Variants in ARHGAP20 observed in about 807,000 individuals in gnomAD.
The protein encoded by ARHGAP20 is Rho GTPase activating protein 20.
Under a neutral mutation model 73.7 loss-of-function variants are expected in ARHGAP20, and 34 were observed. The observed-to-expected ratio is 0.46, with a 90% CI of 0.35 to 0.61. The LOEUF is 0.61. Ranked by LOEUF, ARHGAP20 falls within the 20% of genes least tolerant of loss-of-function variation. The probability of loss-of-function intolerance (pLI) is 0.00; values close to 1 mark genes in which losing one functional copy is unlikely to be tolerated. For synonymous variants in ARHGAP20, 523 were observed against 518.2 expected (o/e 1.01, Z -0.13); for missense variants, 1,314 against 1,420.9 (o/e 0.92, Z 1.21).
intron 2 of ARHGAP20, among the ~76,000 whole-genome samples, chr11:110,689,875 C>T (rs1212604726): frequency 6.6e-6 from 1 of 151,980 alleles, no homozygotes. Flanking sequence ...CTTCTCAAGT[C>T]GCCTGCTTGG....
chr11:110,660,696 A>C (rs1339230885), intron 2 of ARHGAP20, among the ~76,000 whole-genome samples: 3 of 152,192 alleles, frequency 2.0e-5, no homozygotes, highest in Non-Finnish European at 4.4e-5. Flanking sequence ...GAGGTTACTC[A>C]CATTCTCAGG....
At chr11:110,607,924 TTTC>T (rs1948271302) in intron 8 of ARHGAP20, among the ~76,000 whole-genome samples, 1 of 152,196 alleles carries the variant, frequency 6.6e-6, no homozygotes, top group Non-Finnish European at 1.5e-5. Context: ...AAAACAATTA[TTTC>T]AAGTGTTTGA....
At chr11:110,680,827 T>G (rs1367155847) in intron 2 of ARHGAP20, among the ~76,000 whole-genome samples, 1 of 152,160 alleles carries the variant, frequency 6.6e-6, no homozygotes, top group Non-Finnish European at 1.5e-5. Flanking sequence ...GAAAAGTAGT[T>G]TGAAAAGAAT....
At chr11:110,585,028 AATATATGTGAATAT>A (rs2134798134) in intron 12 of ARHGAP20, among the ~76,000 whole-genome samples, 1 of 136,214 alleles carries the variant, frequency 7.3e-6, no homozygotes, top group South Asian at 2.4e-4. Context: ...CATATATGTG[AATATATGTGAATAT>A]ATATGAATAT....
chr11:110,602,168 C>A (rs945055170), intron 9 of ARHGAP20, among the ~76,000 whole-genome samples: 2 of 152,072 alleles, frequency 1.3e-5, no homozygotes, highest in Non-Finnish European at 1.5e-5. Flanking sequence ...ATTGCAGTGA[C>A]CCTGTTACAT....
intron 2 of ARHGAP20, among the ~76,000 whole-genome samples, chr11:110,653,744 A>C (rs953685604): frequency 4.6e-5 from 7 of 152,228 alleles, no homozygotes. Context: ...AGGAATATAA[A>C]TCATTCTATT....
At chr11:110,667,928 G>T (rs1949756602) in intron 2 of ARHGAP20, among the ~76,000 whole-genome samples, 2 of 152,128 alleles carry the variant, frequency 1.3e-5, no homozygotes, top group Non-Finnish European at 2.9e-5. Flanking sequence ...CTTAAGGATG[G>T]GTAGAGAAAG....
intron 2 of ARHGAP20, among the ~76,000 whole-genome samples, chr11:110,667,978 G>C (rs919310219): frequency 6.6e-6 from 1 of 152,200 alleles, no homozygotes; most frequent in African/African-American, 2.4e-5. Context: ...TAAAGATGCT[G>C]AAATGACAAC....
chr11:110,616,487 GC>G (rs1476520261), intron 4 of ARHGAP20, among the ~76,000 whole-genome samples: 2 of 152,072 alleles, frequency 1.3e-5, no homozygotes, highest in East Asian at 3.9e-4. Flanking sequence ...GATCACGCTG[GC>G]TCAGCCTTTT....
At chr11:110,696,492 T>C (rs1950338286) in intron 1 of ARHGAP20, among the ~76,000 whole-genome samples, 1 of 151,636 alleles carries the variant, frequency 6.6e-6, no homozygotes, top group South Asian at 2.1e-4. Context: ...TACAAAAAGT[T>C]TCAGTGGCTG....
chr11:110,618,726 T>TATATGCAGTGAGA (rs1948547047), intron 4 of ARHGAP20, among the ~76,000 whole-genome samples: 3 of 132,600 alleles, frequency 2.3e-5, no homozygotes, highest in African/African-American at 8.8e-5. Flanking sequence ...GCAGTGAGAG[T>TATATGCAGTGAGA]GTATGCAGTG....
chr11:110,577,299 G>A lies in ARHGAP20; in HGVS notation c.*2071C>T, dbSNP rs1947310415. On this transcript the variant is annotated 3_prime_UTR_variant, in exon 15 of 15. Transcript: ENST00000683387. ...AGTATAATAAAATGACATATAGTCT[G>A]TCTTCAAATCATACAATATAATACT... 1 of 1,361,506 alleles carries A rather than the reference G, an allele frequency of 7.3e-7. No homozygotes were observed. Among genetic ancestry groups the A allele is most frequent in the East Asian group, 2.7e-5 (1 of 36,598 alleles). 84.3% of individuals were successfully genotyped at this position (1,361,506 alleles called of 1,614,324 possible). A position where few individuals can be genotyped will look rare whatever the true frequency, so the allele number is the denominator to read the frequency against.
intron 1 of ARHGAP20, among the ~76,000 whole-genome samples, chr11:110,700,796 GT>G (rs1215617794): frequency 7.3e-6 from 1 of 136,952 alleles, no homozygotes; most frequent in Non-Finnish European, 1.5e-5. Flanking sequence ...GTGTCCATGT[GT>G]TCTCATTGTT....
At chr11:110,608,191 G>A (rs959606086) in intron 8 of ARHGAP20, among the ~76,000 whole-genome samples, 3 of 152,126 alleles carry the variant, frequency 2.0e-5, no homozygotes, top group Non-Finnish European at 2.9e-5. Flanking sequence ...ACGATGTCTG[G>A]CAGGTAGTAA....
At chr11:110,612,422 C>T (rs1400104792) in intron 6 of ARHGAP20, among the ~76,000 whole-genome samples, 1 of 149,580 alleles carries the variant, frequency 6.7e-6, no homozygotes, top group Middle Eastern at 3.2e-3. Flanking sequence ...AGCGAGACTC[C>T]ATCTCAAAAA....
intron 2 of ARHGAP20, among the ~76,000 whole-genome samples, chr11:110,641,885 G>T (rs1949085175): frequency 6.6e-6 from 1 of 151,870 alleles, no homozygotes; most frequent in South Asian, 2.1e-4. Flanking sequence ...AATTCGTTTG[G>T]CTACTCATTT....
Position 110,577,516 on chromosome 11 carries a change from C to T in ARHGAP20, c.*1854G>A, listed in dbSNP as rs566563948. The T allele has an allele frequency of 3.0e-4, 305 of 1,000,054 alleles. No homozygotes were observed. The highest frequency in any genetic ancestry group is 2.9e-4 in the Non-Finnish European group (243 of 840,044). The allele number at this position is 1,000,054 out of a possible 1,614,324, so 61.9% of individuals were successfully genotyped here. ...TTTCTTCCAGAAAGACACTCCAAGC[C>T]GTTAAGAGCTTCATTCACATCTTGC... On this transcript the variant is annotated 3_prime_UTR_variant, in exon 15 of 15. Transcript: ENST00000683387.
intron 11 of ARHGAP20, among the ~76,000 whole-genome samples, chr11:110,589,936 C>T (rs1302464055): frequency 6.6e-6 from 1 of 152,112 alleles, no homozygotes; most frequent in Non-Finnish European, 1.5e-5. Flanking sequence ...GCTGGGCCAA[C>T]ATGGTGAAAC....
intron 3 of ARHGAP20, among the ~76,000 whole-genome samples, chr11:110,625,695 T>C (rs1948729365): frequency 6.8e-6 from 1 of 147,402 alleles, no homozygotes; most frequent in African/African-American, 2.4e-5. Flanking sequence ...AGACTCCTGA[T>C]ATGGAAACCA....
Sources: gnomAD v4.1 joint callset for allele counts (sites outside exome capture counted in the v4.1 genomes callset) on GRCh38, gnomAD v4.1.1 for gene constraint, MANE v1.5 for transcripts, NCBI Gene and HGNC (gene_info 2026-07-23, HGNC 2026-07-21) for gene names.